Variants in NPM1 observed in about 807,000 individuals in gnomAD.
NPM1 encodes nucleophosmin.
A neutral mutation model predicts 44.1 loss-of-function variants in NPM1; 1 was observed. The observed-to-expected ratio is 0.02, with a 90% CI of 0.01 to 0.11. The LOEUF is 0.11. NPM1 is among the 10% of genes least tolerant of loss of function. The pLI is 1.00. For missense variants in NPM1, 197 were observed against 347.8 expected (o/e 0.57, Z 3.45); for synonymous variants, 126 against 111.8 (o/e 1.13, Z -0.80).
intron 6 of NPM1, among the ~76,000 whole-genome samples, chr5:171,397,549 G>A (rs751872070): frequency 7.2e-5 from 11 of 152,118 alleles, no homozygotes; most frequent in Admixed American, 3.3e-4. Context: ...ATCTTTTCAT[G>A]TATTCATTGG....
At chr5:171,394,879 T>A (rs907216997) in intron 6 of NPM1, among the ~76,000 whole-genome samples, 3 of 152,134 alleles carry the variant, frequency 2.0e-5, no homozygotes, top group African/African-American at 7.2e-5. Context: ...TTTCCTTTTT[T>A]AAAAATTGAT....
At chr5:171,389,509 T>TA (rs1228828833) in intron 1 of NPM1, among the ~76,000 whole-genome samples, 1 of 152,214 alleles carries the variant, frequency 6.6e-6, no homozygotes, top group Non-Finnish European at 1.5e-5. Flanking sequence ...CTCCTTGTCT[T>TA]AAACATAATT....
chr5:171,391,956 G>GC (rs1421845098), intron 4 of NPM1, among the ~76,000 whole-genome samples, 157 bp downstream of exon 4: 10 of 128,920 alleles, frequency 7.8e-5, no homozygotes, highest in African/African-American at 2.9e-4. Flanking sequence ...AATTTTTGGG[G>GC]CGGGGGGGAG....
intron 8 of NPM1, among the ~76,000 whole-genome samples, chr5:171,404,023 T>G (rs1188401197): frequency 3.7e-5 from 2 of 53,530 alleles, no homozygotes; most frequent in Admixed American, 1.7e-4. Flanking sequence ...CACTTCCCAG[T>G]AGGGGCGGCC....
At chr5:171,408,073 T>C (rs1771659870) in intron 10 of NPM1, among the ~76,000 whole-genome samples, 2 of 152,172 alleles carry the variant, frequency 1.3e-5, no homozygotes, top group Non-Finnish European at 2.9e-5. Context: ...AGGAAATTGC[T>C]GTGGTTTTCC....
chr5:171,407,811 T>G, intron 10 of NPM1, 37 bp downstream of exon 10: 2 of 1,320,508 alleles, frequency 1.5e-6, no homozygotes, highest in South Asian at 2.4e-5. Context: ...TAAATCCAAG[T>G]TTTTTTGTGA....
intron 10 of NPM1, among the ~76,000 whole-genome samples, chr5:171,409,289 A>C (rs969588151): frequency 6.6e-6 from 1 of 152,198 alleles, no homozygotes; most frequent in Non-Finnish European, 1.5e-5. Flanking sequence ...GACAATGTAT[A>C]TTTGTTTGAA....
intron 9 of NPM1, chr5:171,406,598 TC>T: frequency 1.4e-6 from 2 of 1,394,694 alleles, no homozygotes; most frequent in Admixed American, 2.9e-5. Flanking sequence ...TAAAGCACTT[TC>T]TTCTGACTGC....
rs756581729 is a variant in NPM1 at position 171,392,988 on chromosome 5, AT to A, written c.524+14del. ...AGGATGATGATGAAGAGTAAGTATG[AT>A]TTTAGAAACTTGATATACTTCCGGA... On this transcript the variant is annotated intron_variant, in intron 6 of 10. Coordinates refer to ENST00000296930, the MANE Select transcript of NPM1 (RefSeq NM_002520.7). The A allele has an allele frequency of 6.0e-5, 96 of 1,607,532 alleles. 1 individual carries two copies. In the East Asian group the frequency reaches 2.0e-3, roughly 33 times the overall value.
At chr5:171,389,994 C>G (rs1040587411) in intron 1 of NPM1, 57 bp from the exon 2 acceptor site, 2 of 1,085,788 alleles carry the variant, frequency 1.8e-6, no homozygotes, top group Non-Finnish European at 2.8e-6. Flanking sequence ...GTTACCCACA[C>G]TTAAGTTTCA....
chr5:171,395,144 T>C (rs28472597), intron 6 of NPM1, among the ~76,000 whole-genome samples: 61,379 of 152,052 alleles, frequency 0.4, 12,407 homozygotes, highest in East Asian at 0.55. Flanking sequence ...TGCGCCACCG[T>C]GTTCCATCCT....
chr5:171,395,345 G>A (rs983713875), intron 6 of NPM1, among the ~76,000 whole-genome samples: 1 of 151,904 alleles, frequency 6.6e-6, no homozygotes, highest in African/African-American at 2.4e-5. Flanking sequence ...TGTGCCCCAG[G>A]CTGGTGTGCA....
At chr5:171,395,373 C>T (rs373595817) in intron 6 of NPM1, among the ~76,000 whole-genome samples, 7 of 151,688 alleles carry the variant, frequency 4.6e-5, no homozygotes, top group Non-Finnish European at 7.4e-5. Context: ...GATCTCTGCT[C>T]GCTGCAACCT....
intron 9 of NPM1, chr5:171,406,744 CAAT>C (rs1277456112): frequency 4.8e-5 from 53 of 1,106,796 alleles, no homozygotes; most frequent in Non-Finnish European, 5.9e-5. Flanking sequence ...ATGTATGTGA[CAAT>C]AATTTTGAAA....
At chr5:171,404,741 G>A (rs1405527349) in intron 8 of NPM1, among the ~76,000 whole-genome samples, 4 of 146,310 alleles carry the variant, frequency 2.7e-5, no homozygotes, top group South Asian at 2.3e-4. Flanking sequence ...GGTGGCGGCC[G>A]GGCAGAGGCT....
intron 10 of NPM1, 62 bp downstream of exon 10, chr5:171,407,836 G>C (rs1273275228): frequency 9.0e-6 from 9 of 1,002,368 alleles, no homozygotes; most frequent in Non-Finnish European, 1.2e-5. Flanking sequence ...TTATGATTCT[G>C]CCTTTACCCT....
At chr5:171,391,526 T>G (rs543430916) in intron 3 of NPM1, 102 bp downstream of exon 3, 1 of 1,450,440 alleles carries the variant, frequency 6.9e-7, no homozygotes, top group Non-Finnish European at 9.4e-7. Flanking sequence ...AAAGTGGTTC[T>G]TTATCTTCTG....
At chr5:171,396,568 G>A (rs1166556340) in intron 6 of NPM1, among the ~76,000 whole-genome samples, 1 of 152,214 alleles carries the variant, frequency 6.6e-6, no homozygotes, top group East Asian at 1.9e-4. Context: ...CTTACATGAA[G>A]TTGCTGTATT....
intron 6 of NPM1, 91 bp from the exon 7 acceptor site, chr5:171,400,062 G>A (rs1581249990): frequency 1.3e-6 from 1 of 770,084 alleles, no homozygotes; most frequent in East Asian, 2.5e-5. Context: ...AAACATGGGT[G>A]CACAAATAAT....
Sources: allele counts gnomAD v4.1 joint callset (sites outside exome capture counted in the v4.1 genomes callset), GRCh38; gene constraint gnomAD v4.1.1; transcripts MANE v1.5; gene names NCBI Gene and HGNC (gene_info 2026-07-23, HGNC 2026-07-21).